ZBTB7C: variants seen among roughly 807,000 people sequenced by gnomAD.
ZBTB7C encodes zinc finger and BTB domain containing 7C, also known as zinc finger and BTB domain-containing protein 7C.
ZBTB7C carries 8 observed loss-of-function variants against 25.7 expected under a neutral mutation model. The ratio of observed to expected loss-of-function variants is 0.31; its 90% CI spans 0.18 to 0.56. The LOEUF (loss-of-function observed/expected upper bound fraction) is 0.56, where lower values mean the gene tolerates loss of function less well. Ranked by LOEUF, ZBTB7C falls within the 20% of genes least tolerant of loss-of-function variation. The probability of loss-of-function intolerance (pLI) is 0.91; values close to 1 mark genes in which losing one functional copy is unlikely to be tolerated. For missense variants in ZBTB7C, 824 were observed against 855.2 expected, an observed-to-expected ratio of 0.96 and a Z score of 0.46; for synonymous variants, 394 against 369.0, an observed-to-expected ratio of 1.07 and a Z score of -0.78.
intron 3 of ZBTB7C, among the ~76,000 whole-genome samples, chr18:48,057,059 A>AAAC (rs1319993134): frequency 3.4e-5 from 5 of 147,626 alleles, no homozygotes; most frequent in African/African-American, 1.3e-4. Flanking sequence ...TCAAAAAAAA[A>AAAC]AAAAAAAAAA....
intron 2 of ZBTB7C, among the ~76,000 whole-genome samples, chr18:48,284,120 C>A (rs1450232540): frequency 6.6e-5 from 10 of 151,926 alleles, no homozygotes; most frequent in Non-Finnish European, 1.3e-4. Flanking sequence ...GCACTTCAGC[C>A]TGGGCAACAA....
intron 3 of ZBTB7C, among the ~76,000 whole-genome samples, chr18:48,173,561 G>A (rs1378596802): frequency 2.0e-5 from 3 of 152,182 alleles, no homozygotes; most frequent in African/African-American, 7.2e-5. Flanking sequence ...TCCAAGGCCT[G>A]GCAAATCCTT....
At chr18:48,373,688 A>G (rs1598985414) in intron 1 of ZBTB7C, among the ~76,000 whole-genome samples, 1 of 152,202 alleles carries the variant, frequency 6.6e-6, no homozygotes, top group South Asian at 2.1e-4. Flanking sequence ...TGGGCCGGGC[A>G]CTATGGCTCA....
At chr18:48,181,957 A>C (rs940917481) in intron 3 of ZBTB7C, among the ~76,000 whole-genome samples, 45 of 152,232 alleles carry the variant, frequency 3.0e-4, no homozygotes, top group African/African-American at 1.0e-3. Context: ...GAATTATTTT[A>C]CATCACACCA....
intron 2 of ZBTB7C, among the ~76,000 whole-genome samples, chr18:48,261,739 A>G (rs2044177532): frequency 6.6e-6 from 1 of 152,246 alleles, no homozygotes; most frequent in Admixed American, 6.5e-5. Flanking sequence ...AGCAAGTGCC[A>G]GGTGGCATCA....
intron 2 of ZBTB7C, among the ~76,000 whole-genome samples, chr18:48,288,136 C>T (rs919800376): frequency 6.6e-6 from 1 of 152,294 alleles, no homozygotes; most frequent in Admixed American, 6.5e-5. Flanking sequence ...TTGATATAAT[C>T]TACAAAGATC....
intron 2 of ZBTB7C, among the ~76,000 whole-genome samples, chr18:48,205,412 G>A (rs538502701): frequency 6.6e-6 from 1 of 151,864 alleles, no homozygotes; most frequent in South Asian, 2.1e-4. Context: ...ACAATGCCGA[G>A]ACAAATAAGA....
intron 2 of ZBTB7C, among the ~76,000 whole-genome samples, chr18:48,267,050 C>T (rs1047648240): frequency 6.6e-6 from 1 of 152,142 alleles, no homozygotes; most frequent in African/African-American, 2.4e-5. Flanking sequence ...TTTCCATTTT[C>T]ACTGTTGCAA....
intron 2 of ZBTB7C, among the ~76,000 whole-genome samples, chr18:48,280,244 C>T (rs1253869241): frequency 6.6e-6 from 1 of 152,042 alleles, no homozygotes; most frequent in African/African-American, 2.4e-5. Context: ...GAGCACACTG[C>T]AGCCTGAGGG....
At chr18:48,099,345 T>A (rs531225948) in intron 3 of ZBTB7C, among the ~76,000 whole-genome samples, 70 of 152,334 alleles carry the variant, frequency 4.6e-4, no homozygotes, top group African/African-American at 1.6e-3. Context: ...CCTAGCACAA[T>A]GTCTGGCACA....
At chr18:48,383,806 G>C (rs1006170522) in intron 1 of ZBTB7C, among the ~76,000 whole-genome samples, 1 of 152,064 alleles carries the variant, frequency 6.6e-6, no homozygotes, top group African/African-American at 2.4e-5. Flanking sequence ...AGCCAGGCTG[G>C]ATGGAGCCTC....
chr18:48,222,182 C>T (rs2042980280), intron 2 of ZBTB7C, among the ~76,000 whole-genome samples: 1 of 151,858 alleles, frequency 6.6e-6, no homozygotes, highest in Non-Finnish European at 1.5e-5. Flanking sequence ...CCTGGTGTCC[C>T]TGCTGCACCC....
intron 3 of ZBTB7C, among the ~76,000 whole-genome samples, chr18:48,103,915 C>T (rs1189494164): frequency 1.3e-5 from 2 of 152,080 alleles, no homozygotes; most frequent in African/African-American, 2.4e-5. Context: ...GTAGATTAAT[C>T]GTTGCCAGGG....
chr18:48,330,709 A>G (rs1257689174), intron 2 of ZBTB7C, among the ~76,000 whole-genome samples: 1 of 150,762 alleles, frequency 6.6e-6, no homozygotes, highest in Non-Finnish European at 1.5e-5. Context: ...GGGCAGGATG[A>G]GTAATCCCAG....
chr18:48,389,083 C>T (rs868102533), intron 1 of ZBTB7C, among the ~76,000 whole-genome samples: 11 of 152,154 alleles, frequency 7.2e-5, no homozygotes, highest in African/African-American at 2.2e-4. Flanking sequence ...AATTGCCCTG[C>T]AGTCTGAACT....
At chr18:48,231,363 T>C (rs565754333) in intron 2 of ZBTB7C, among the ~76,000 whole-genome samples, 2 of 152,256 alleles carry the variant, frequency 1.3e-5, no homozygotes, top group African/African-American at 4.8e-5. Flanking sequence ...CAGACTTGGA[T>C]AGACAACAGG....
intron 2 of ZBTB7C, among the ~76,000 whole-genome samples, chr18:48,234,909 T>G (rs951869984): frequency 6.6e-6 from 1 of 152,198 alleles, no homozygotes; most frequent in Non-Finnish European, 1.5e-5. Context: ...TCCTAGAGAA[T>G]TGAAAATTTA....
chr18:48,343,036 G>A (rs773070696), intron 1 of ZBTB7C, among the ~76,000 whole-genome samples: 4 of 152,192 alleles, frequency 2.6e-5, no homozygotes, highest in South Asian at 2.1e-4. Context: ...CAGGCCACCC[G>A]GTACAAACAC....
At chr18:48,162,490 AT>A in intron 3 of ZBTB7C, 1 of 432,570 alleles carries the variant, frequency 2.3e-6, no homozygotes, top group Non-Finnish European at 4.8e-6. Flanking sequence ...AGTTGTTACT[AT>A]TATTACCTCT....
Sources: allele counts gnomAD v4.1 joint callset (sites outside exome capture counted in the v4.1 genomes callset), GRCh38; gene constraint gnomAD v4.1.1; transcripts MANE v1.5; gene names NCBI Gene and HGNC (gene_info 2026-07-23, HGNC 2026-07-21).